The following GSE1 variants were observed in gnomAD, a reference collection of about 807,000 sequenced individuals.
GSE1 encodes the protein genetic suppressor element 1.
In GSE1, 32 loss-of-function variants were observed where a neutral mutation model predicts 112.6. That is an observed-to-expected ratio of 0.28 (90% CI 0.21 to 0.38). The LOEUF (loss-of-function observed/expected upper bound fraction) is 0.38. Ranked by LOEUF, GSE1 falls within the 10% of genes least tolerant of loss-of-function variation. The pLI is 1.00. For missense variants in GSE1, 2,348 were observed against 1,699.2 expected (o/e 1.38, Z -6.71); for synonymous variants, 1,115 against 735.6 (o/e 1.52, Z -8.35).
chr16:85,324,064 G>T (rs1337526761), intron 1 of GSE1, among the ~76,000 whole-genome samples: 1 of 152,236 alleles, frequency 6.6e-6, no homozygotes, highest in Non-Finnish European at 1.5e-5. Context: ...AACAAGTGTT[G>T]GCGAGGACGT....
chr16:85,632,566 G>A (rs983771164), intron 1 of GSE1, among the ~76,000 whole-genome samples: 4 of 152,332 alleles, frequency 2.6e-5, no homozygotes, highest in Middle Eastern at 3.4e-3. Flanking sequence ...CGAGCCTGCT[G>A]TCCCATGGGG....
At chr16:85,672,146 A>G (rs1370694739) in intron 15 of GSE1, 2 of 453,048 alleles carry the variant, frequency 4.4e-6, no homozygotes, top group East Asian at 5.4e-5. Context: ...TTACAGGTAT[A>G]CGACACCATG....
At chr16:85,651,119 C>T (rs572216067) in intron 3 of GSE1, among the ~76,000 whole-genome samples, 424 of 133,950 alleles carry the variant, frequency 3.2e-3, no homozygotes, top group African/African-American at 0.011. Context: ...GTTGCAGCTG[C>T]GGCTGCAGCC....
chr16:85,254,021 G>A (rs1009516087), intron 1 of GSE1, among the ~76,000 whole-genome samples: 3 of 152,184 alleles, frequency 2.0e-5, no homozygotes, highest in Non-Finnish European at 4.4e-5. Flanking sequence ...AATAGAGGCC[G>A]AATTCCCATC....
intron 1 of GSE1, among the ~76,000 whole-genome samples, chr16:85,207,615 GC>G (rs1447947846): frequency 6.6e-6 from 1 of 152,232 alleles, no homozygotes; most frequent in Non-Finnish European, 1.5e-5. Flanking sequence ...GGTGTGAGGA[GC>G]CCGGGCTGCA....
At chr16:85,262,236 A>G (rs1204288503) in intron 1 of GSE1, among the ~76,000 whole-genome samples, 7 of 152,246 alleles carry the variant, frequency 4.6e-5, no homozygotes, top group Admixed American at 4.6e-4. Context: ...AGAGAGTGTC[A>G]GAGGCAATCT....
chr16:85,311,501 GGGGAGGGA>G lies in GSE1; in HGVS notation c.2284-45949_2284-45942del, dbSNP rs1173716100. Among the ~76,000 whole-genome samples the G allele has an allele frequency of 6.6e-6, 1 of 152,108 alleles. No individual in the cohort carries two copies. The highest frequency in any genetic ancestry group is 6.5e-5 in the Admixed American group (1 of 15,276). On this transcript the variant is annotated intron_variant, in intron 1 of 2. Transcript: ENST00000637419. This position sits in a 1 kb window ranked among gnomAD's most constrained non-coding sequence, Gnocchi z 4.2. ...CGGCTGCCTCCCACCGTGGGACATT[GGGGAGGGA>G]GGGAGGGAGGGAAGGAGGTGCCGGG...
At chr16:85,545,121 GCCCGTCTGCGT>G (rs2044652027) in intron 2 of GSE1, among the ~76,000 whole-genome samples, 1 of 152,230 alleles carries the variant, frequency 6.6e-6, no homozygotes, top group Non-Finnish European at 1.5e-5. Flanking sequence ...TCCAAAAGTG[GCCCGTCTGCGT>G]CCCAGGAGGC....
intron 1 of GSE1, among the ~76,000 whole-genome samples, chr16:85,214,673 C>T (rs75086689): frequency 0.021 from 3,270 of 152,292 alleles, 89 homozygotes; most frequent in East Asian, 0.11. Context: ...TGAGGCCTCC[C>T]TCTCTGGCCT....
chr16:85,320,694 G>A (rs753371233), intron 1 of GSE1, among the ~76,000 whole-genome samples: 1 of 152,102 alleles, frequency 6.6e-6, no homozygotes, highest in Non-Finnish European at 1.5e-5. Context: ...CATATTCTGA[G>A]GTTTTGAGCA....
rs957404156 is a variant in GSE1 at position 85,673,849 on chromosome 16, T to C, written c.*1310T>C. 2.0e-5 allele frequency: 3 copies of C among 152,200 alleles called. No homozygotes were observed. Among genetic ancestry groups the C allele is most frequent in the African/African-American group, 7.2e-5 (3 of 41,438 alleles). 9.4% of individuals were successfully genotyped at this position (152,200 alleles called of 1,614,324 possible). A position where few individuals can be genotyped will look rare whatever the true frequency, so the allele number is the denominator to read the frequency against. ...CAATGATTTCTGTGATTGATATAAT[T>C]CTAAGGTGTCTGAGAGCAGGTACAG... is the stretch of plus-strand genomic sequence containing the variant. On this transcript the variant is annotated 3_prime_UTR_variant, in exon 16 of 16. Coordinates refer to ENST00000253458, the MANE Select transcript of GSE1 (RefSeq NM_014615.5).
intron 2 of GSE1, among the ~76,000 whole-genome samples, chr16:85,495,848 G>A (rs529023333): frequency 1.6e-3 from 237 of 152,242 alleles, no homozygotes; most frequent in African/African-American, 5.5e-3. Flanking sequence ...CCTAATCAAG[G>A]CCTCCAGGAG....
chr16:85,616,905 T>TA (rs1315285458), intron 1 of GSE1, among the ~76,000 whole-genome samples: 1 of 152,122 alleles, frequency 6.6e-6, no homozygotes, highest in African/African-American at 2.4e-5. Context: ...TACAGACAGA[T>TA]AAAACAGGAG....
intron 1 of GSE1, among the ~76,000 whole-genome samples, chr16:85,337,359 G>A (rs1188163496): frequency 6.8e-6 from 1 of 147,802 alleles, no homozygotes; most frequent in Non-Finnish European, 1.5e-5. Flanking sequence ...AGGCTGGAGT[G>A]CAGTGGCGCG....
intron 1 of GSE1, among the ~76,000 whole-genome samples, chr16:85,568,374 G>A (rs760620450): frequency 3.9e-5 from 6 of 152,232 alleles, no homozygotes; most frequent in Non-Finnish European, 4.4e-5. Flanking sequence ...GAAAATAATA[G>A]TGAGGGTTGT....
At chr16:85,424,654 C>G (rs915573599) in intron 2 of GSE1, among the ~76,000 whole-genome samples, 3 of 152,250 alleles carry the variant, frequency 2.0e-5, no homozygotes, top group African/African-American at 7.2e-5. Context: ...TACAAACAGG[C>G]TGCTTGGGAA....
At chr16:85,585,572 G>A (rs1386104273) in intron 1 of GSE1, among the ~76,000 whole-genome samples, 1 of 152,168 alleles carries the variant, frequency 6.6e-6, no homozygotes, top group African/African-American at 2.4e-5. Flanking sequence ...TGGGGAGGAG[G>A]GAGGGAGACT....
chr16:85,541,708 A>G (rs1474089270), intron 2 of GSE1, among the ~76,000 whole-genome samples: 2 of 152,256 alleles, frequency 1.3e-5, no homozygotes, highest in African/African-American at 2.4e-5. Flanking sequence ...TCTGGAGGAC[A>G]GAGCGGCAGG....
intron 2 of GSE1, among the ~76,000 whole-genome samples, chr16:85,548,242 AAAAAGAAAG>A (rs1454377433): frequency 3.4e-5 from 5 of 147,346 alleles, no homozygotes; most frequent in South Asian, 4.3e-4. Flanking sequence ...AAAAAAAAAA[AAAAAGAAAG>A]AAAGAAAGAA....
Sources: gnomAD v4.1 joint callset for allele counts (sites outside exome capture counted in the v4.1 genomes callset) on GRCh38, gnomAD v4.1.1 for gene constraint, Gnocchi (gnomAD v3.1) non-coding constraint, MANE v1.5 for transcripts, NCBI Gene and HGNC (gene_info 2026-07-23, HGNC 2026-07-21) for gene names.